KALRN: variants seen among roughly 807,000 people sequenced by gnomAD.
The protein encoded by KALRN is kalirin RhoGEF kinase.
In KALRN, 70 loss-of-function variants were observed where a neutral mutation model predicts 353.7. That is an observed-to-expected ratio of 0.20 (90% CI 0.16 to 0.24). The LOEUF (loss-of-function observed/expected upper bound fraction) is 0.24. KALRN is among the 10% of genes least tolerant of loss of function. KALRN has a pLI of 1.00. For synonymous variants in KALRN, 1,391 were observed against 1,434.8 expected (o/e 0.97, Z 0.69); for missense variants, 2,791 against 3,756.7 (o/e 0.74, Z 6.72).
chr3:124,275,274 C>T (rs1389985970), intron 5 of KALRN, among the ~76,000 whole-genome samples: 2 of 152,190 alleles, frequency 1.3e-5, no homozygotes, highest in African/African-American at 2.4e-5. Flanking sequence ...ACCCCAACCC[C>T]AATCCATTTC....
chr3:124,111,145 C>T (rs965111278), intron 1 of KALRN, among the ~76,000 whole-genome samples: 7 of 152,122 alleles, frequency 4.6e-5, no homozygotes, highest in Non-Finnish European at 1.0e-4. Flanking sequence ...GTCCTAATCA[C>T]CCAGCCTGCC....
intron 3 of KALRN, among the ~76,000 whole-genome samples, chr3:124,243,875 C>CAGTT (rs2080804742): frequency 6.6e-6 from 1 of 152,192 alleles, no homozygotes; most frequent in Non-Finnish European, 1.5e-5. Flanking sequence ...CAACAACTGG[C>CAGTT]AGTTTCTTTC....
At chr3:124,457,261 G>C (rs2059407476) in intron 23 of KALRN, among the ~76,000 whole-genome samples, 1 of 152,106 alleles carries the variant, frequency 6.6e-6, no homozygotes, top group Admixed American at 6.5e-5. Flanking sequence ...ATAGAAACGG[G>C]GTTTCACCAT....
chr3:124,341,177 C>T lies in KALRN; in HGVS notation c.1648-5966C>T, dbSNP rs186230174. ...ATGTGAGCATCTCTTTTGGAAAAGA[C>T]TGTTCTTGGAAAAGACTACTTTCTG... is the stretch of plus-strand genomic sequence containing the variant. On this transcript the variant is annotated intron_variant, in intron 9 of 59. Transcript: ENST00000682506. Among the ~76,000 whole-genome samples, 201 of 152,290 alleles carry T rather than the reference C, an allele frequency of 1.3e-3. 2 individuals are homozygous for T. Among genetic ancestry groups the T allele is most frequent in the Non-Finnish European group, 3.4e-4 (23 of 68,030 alleles).
chr3:124,212,417 G>A (rs1195986442), intron 1 of KALRN, among the ~76,000 whole-genome samples: 1 of 151,994 alleles, frequency 6.6e-6, no homozygotes, highest in Non-Finnish European at 1.5e-5. Flanking sequence ...CATGTTGCGA[G>A]CATTCTTCCA....
intron 6 of KALRN, among the ~76,000 whole-genome samples, chr3:124,321,791 G>C (rs1253331969): frequency 6.6e-6 from 1 of 152,178 alleles, no homozygotes; most frequent in East Asian, 1.9e-4. Context: ...AAAGGCTTTG[G>C]GCGTAGGTAA....
chr3:124,509,009 C>G (rs1252163451), intron 33 of KALRN, among the ~76,000 whole-genome samples: 1 of 152,026 alleles, frequency 6.6e-6, no homozygotes, highest in Non-Finnish European at 1.5e-5. Context: ...GGTTGTTTGG[C>G]TTTTCTTATT....
intron 34 of KALRN, among the ~76,000 whole-genome samples, chr3:124,613,973 T>G (rs1267157196): frequency 6.6e-6 from 1 of 152,132 alleles, no homozygotes; most frequent in Non-Finnish European, 1.5e-5. Context: ...GATTTATGTC[T>G]CCCCAAAAAC....
intron 32 of KALRN, 36 bp from the exon 33 acceptor site, chr3:124,496,275 A>T (rs1352475521): frequency 8.4e-7 from 1 of 1,189,470 alleles, no homozygotes; most frequent in African/African-American, 1.6e-5. Context: ...GGTTCCCCCC[A>T]CCCCCACCCC....
intron 1 of KALRN, among the ~76,000 whole-genome samples, chr3:124,126,918 C>G (rs543775276): frequency 6.6e-6 from 1 of 152,304 alleles, no homozygotes; most frequent in East Asian, 1.9e-4. Flanking sequence ...GGGCACAATA[C>G]TCTAAGTCAT....
intron 1 of KALRN, among the ~76,000 whole-genome samples, chr3:124,124,563 G>A (rs1353017108): frequency 6.6e-6 from 1 of 152,204 alleles, no homozygotes; most frequent in Non-Finnish European, 1.5e-5. Context: ...TGGGAAAAAT[G>A]CTATCACACT....
chr3:124,239,871 T>C (rs749859904), intron 3 of KALRN, among the ~76,000 whole-genome samples: 4 of 150,538 alleles, frequency 2.7e-5, no homozygotes, highest in Non-Finnish European at 4.4e-5. Context: ...TGCTCTGGGA[T>C]CATCAATAAA....
chr3:124,705,265 A>C (rs2150723112), intron 57 of KALRN, among the ~76,000 whole-genome samples: 1 of 152,316 alleles, frequency 6.6e-6, no homozygotes, highest in East Asian at 1.9e-4. Context: ...CATTGAAACT[A>C]TAATGCAGGG....
At chr3:124,278,458 G>GGTGTGT (rs55855993) in intron 5 of KALRN, among the ~76,000 whole-genome samples, 3,754 of 145,444 alleles carry the variant, frequency 0.026, 127 homozygotes, top group African/African-American at 0.075. Flanking sequence ...GGACACTTCA[G>GGTGTGT]GTGTGTGTGT....
chr3:124,473,442 T>C (rs2061138038), intron 25 of KALRN, among the ~76,000 whole-genome samples: 1 of 152,238 alleles, frequency 6.6e-6, no homozygotes, highest in Non-Finnish European at 1.5e-5. Flanking sequence ...CTTCACCTGC[T>C]TCCCTGTGGT....
Position 124,434,425 on chromosome 3 carries a change from C to T in KALRN, c.2948C>T (p.Ala983Val). 6.2e-7 allele frequency: 1 copy of T among 1,614,214 alleles called. No homozygotes were observed. The highest frequency in any genetic ancestry group is 8.5e-7 in the Non-Finnish European group (1 of 1,180,024). The part of the protein sequence containing the change: ...HYDADAIREC[A>V]EKVALHWQQL... The stretch of plus-strand genomic sequence containing the variant: ...GATGCCGATGCCATCCGGGAATGTG[C>T]TGAGAAGGTGGCCCTCCACTGGCAG... Residue 983 changes from alanine to valine, a missense_variant, in exon 17 of 60, where the codon GCT (alanine) becomes GTT (valine). Physicochemically the swap from Ala to Val is moderately conservative, Grantham distance 64. This residue lies in a region of KALRN where 452 missense variants were observed against 575.8 expected (regional missense o/e 0.78). Transcript: ENST00000682506.
chr3:124,309,652 G>A (rs959789867), intron 6 of KALRN, among the ~76,000 whole-genome samples: 9 of 151,962 alleles, frequency 5.9e-5, no homozygotes, highest in African/African-American at 2.2e-4. Flanking sequence ...TGTGAGCTTG[G>A]TTTAACTTCA....
intron 51 of KALRN, among the ~76,000 whole-genome samples, chr3:124,682,195 C>A (rs1369081375): frequency 6.6e-6 from 1 of 152,132 alleles, no homozygotes; most frequent in African/African-American, 2.4e-5. Flanking sequence ...CCTTAAAGAT[C>A]CAAATTGAAA....
At chr3:124,706,192 C>G (rs984229760) in intron 57 of KALRN, among the ~76,000 whole-genome samples, 1 of 152,232 alleles carries the variant, frequency 6.6e-6, no homozygotes, top group Non-Finnish European at 1.5e-5. Context: ...CAGGCATAAT[C>G]CACCGTGCCT....
Sources: gnomAD v4.1 joint callset for allele counts (sites outside exome capture counted in the v4.1 genomes callset) on GRCh38, gnomAD v4.1.1 for gene constraint, gnomAD v4.1.1 regional missense constraint, MANE v1.5 for transcripts, NCBI Gene and HGNC (gene_info 2026-07-23, HGNC 2026-07-21) for gene names.